The following DMD variants were observed in gnomAD, a reference collection of about 807,000 sequenced individuals.
DMD encodes the protein dystrophin.
Under a neutral mutation model 330.1 loss-of-function variants are expected in DMD, and 63 were observed. That is an observed-to-expected ratio of 0.19 (90% CI 0.16 to 0.24). DMD has a LOEUF of 0.24. Among genes scored for constraint, DMD ranks in the 10% least tolerant of loss-of-function variants. The probability of loss-of-function intolerance (pLI) is 1.00; values close to 1 mark genes in which losing one functional copy is unlikely to be tolerated. For synonymous variants in DMD, 1,223 were observed against 959.8 expected (o/e 1.27, Z -5.07); for missense variants, 3,344 against 2,684.1 (o/e 1.25, Z -5.43).
chrX:31,177,969 G>T lies in DMD; in HGVS notation c.10225C>A (p.Pro3409Thr), dbSNP rs770996763. ...GGCCAGAAGTTGATCAGAGTAACGG[G>T]ACTGCAAAACAAAAAATGAGGTGGT... is the stretch of plus-strand genomic sequence containing the variant. ...TVLEGDNMET[P>T]VTLINFWPVD... Residue 3409 changes from proline (P) to threonine (T), a missense_variant and splice_region_variant, in exon 71 of 79, where the codon CCC (proline) becomes ACC (threonine). By Grantham distance (38) the Pro-to-Thr change is conservative. Coordinates refer to ENST00000357033, the MANE Select transcript of DMD (RefSeq NM_004006.3). 8.3e-7 allele frequency: 1 copy of T among 1,206,237 alleles called. No homozygotes were observed. Among genetic ancestry groups the T allele is most frequent in the Admixed American group, 2.2e-5 (1 of 45,765 alleles).
intron 62 of DMD, among the ~76,000 whole-genome samples, chrX:31,265,525 T>C (rs2050953540): frequency 9.0e-6 from 1 of 111,096 alleles, no homozygotes; most frequent in Non-Finnish European, 1.9e-5. Context: ...TCCGTTTTAT[T>C]TGCTTTTCAA....
chrX:31,192,420 C>A (rs2042463056), intron 67 of DMD, among the ~76,000 whole-genome samples: 1 of 112,000 alleles, frequency 8.9e-6, no homozygotes, highest in African/African-American at 3.2e-5. Flanking sequence ...TGGTTTTTCA[C>A]ATCTTGCTCT....
At chrX:32,035,791 G>T (rs1430136172) in intron 44 of DMD, among the ~76,000 whole-genome samples, 1 of 111,206 alleles carries the variant, frequency 9.0e-6, no homozygotes, top group African/African-American at 3.3e-5. Flanking sequence ...GGAGAGATAG[G>T]CAGGGGTGGT....
chrX:31,952,872 C>T (rs2095202034), intron 45 of DMD, among the ~76,000 whole-genome samples: 1 of 112,243 alleles, frequency 8.9e-6, no homozygotes, highest in African/African-American at 3.2e-5. Context: ...GTTTTAATAA[C>T]TTGCCTAGAT....
chrX:33,246,723 T>C (rs899605599), intron 1 of DMD, among the ~76,000 whole-genome samples: 1 of 111,201 alleles, frequency 9.0e-6, no homozygotes, highest in Non-Finnish European at 1.9e-5. Context: ...TCTCGCTCTG[T>C]TGCCCAGGCT....
At chrX:31,982,915 T>A (rs1346172618) in intron 44 of DMD, among the ~76,000 whole-genome samples, 1 of 89,495 alleles carries the variant, frequency 1.1e-5, no homozygotes, top group Non-Finnish European at 2.5e-5. Context: ...TAACATTTTA[T>A]TCTTTCTCAA....
At chrX:32,809,040 A>G (rs775554178) in intron 7 of DMD, among the ~76,000 whole-genome samples, 4 of 112,299 alleles carry the variant, frequency 3.6e-5, no homozygotes, top group Non-Finnish European at 5.6e-5. Context: ...AAATTACAAC[A>G]GAAGTAGTGG....
At chrX:33,146,680 C>T (rs1603352726) in intron 1 of DMD, among the ~76,000 whole-genome samples, 1 of 111,472 alleles carries the variant, frequency 9.0e-6, no homozygotes, top group African/African-American at 3.3e-5. Flanking sequence ...GAGGGACGTG[C>T]TCACAGTCGC....
intron 29 of DMD, among the ~76,000 whole-genome samples, chrX:32,425,838 C>T (rs957602296): frequency 2.7e-5 from 3 of 111,531 alleles, no homozygotes; most frequent in African/African-American, 9.8e-5. Context: ...TAATGCCACA[C>T]ACCTATACCC....
intron 55 of DMD, among the ~76,000 whole-genome samples, chrX:31,527,521 G>A (rs1485866026): frequency 8.9e-6 from 1 of 111,930 alleles, no homozygotes; most frequent in Non-Finnish European, 1.9e-5. Context: ...ATCTGGCAAC[G>A]TTTTGCCAAA....
At chrX:32,186,824 G>A (rs999141897) in intron 44 of DMD, among the ~76,000 whole-genome samples, 1 of 110,553 alleles carries the variant, frequency 9.0e-6, no homozygotes, top group African/African-American at 3.3e-5. Flanking sequence ...ACGTTGAGTG[G>A]GGCAATTTCT....
At chrX:32,455,279 G>C (rs2098352324) in intron 25 of DMD, among the ~76,000 whole-genome samples, 1 of 110,774 alleles carries the variant, frequency 9.0e-6, no homozygotes, top group African/African-American at 3.3e-5. Context: ...AAATTAAAAA[G>C]AAAAAACGAA....
At chrX:32,517,750 T>G (rs1294502310) in intron 18 of DMD, 7 of 421,079 alleles carry the variant, frequency 1.7e-5, no homozygotes, top group Non-Finnish European at 2.9e-5. Context: ...ATAAAATTGT[T>G]AATTTATAGT....
intron 54 of DMD, among the ~76,000 whole-genome samples, chrX:31,635,525 A>C: frequency 8.9e-6 from 1 of 111,895 alleles, no homozygotes; most frequent in South Asian, 3.7e-4. Context: ...ACAGCAAAGC[A>C]GGCAGGTTCA....
At chrX:32,922,894 C>A (rs1314244217) in intron 2 of DMD, among the ~76,000 whole-genome samples, 1 of 112,280 alleles carries the variant, frequency 8.9e-6, no homozygotes, top group East Asian at 2.8e-4. Context: ...ATTGTAGAGT[C>A]TCAATAAAGT....
At chrX:31,154,209 C>T (rs1471885407) in intron 74 of DMD, among the ~76,000 whole-genome samples, 3 of 111,907 alleles carry the variant, frequency 2.7e-5, no homozygotes, top group Admixed American at 9.4e-5. Flanking sequence ...GCAGTATTAA[C>T]GTAGGGGAGA....
intron 59 of DMD, among the ~76,000 whole-genome samples, chrX:31,465,269 A>G (rs1171188904): frequency 1.8e-5 from 2 of 110,773 alleles, no homozygotes; most frequent in Non-Finnish European, 3.8e-5. Flanking sequence ...GGTTTGTTAC[A>G]TAGGTATACA....
At chrX:32,949,965 CAAAAAAA>C (rs201823049) in intron 2 of DMD, among the ~76,000 whole-genome samples, 2 of 74,929 alleles carry the variant, frequency 2.7e-5, no homozygotes, top group African/African-American at 4.7e-5. Flanking sequence ...GGTGCAGAGG[CAAAAAAA>C]AAAAAAAAAA....
intron 64 of DMD, among the ~76,000 whole-genome samples, chrX:31,210,975 G>A (rs2044609906): frequency 8.9e-6 from 1 of 111,909 alleles, no homozygotes; most frequent in African/African-American, 3.2e-5. Context: ...CAGACATGGT[G>A]GTGGAAGCAG....
Sources: gnomAD v4.1 joint callset for allele counts (sites outside exome capture counted in the v4.1 genomes callset) on GRCh38, gnomAD v4.1.1 for gene constraint, MANE v1.5 for transcripts, NCBI Gene and HGNC (gene_info 2026-07-23, HGNC 2026-07-21) for gene names.